Variants in DOK7 observed in about 807,000 individuals in gnomAD.
The protein encoded by DOK7 is docking protein 7, also known as protein Dok-7.
DOK7 carries 32 observed loss-of-function variants against 30.7 expected under a neutral mutation model. The observed-to-expected ratio is 1.04, with a 90% CI of 0.79 to 1.40. The LOEUF (loss-of-function observed/expected upper bound fraction) is 1.40. Ranked by LOEUF, DOK7 falls within the 40% of genes most tolerant of loss-of-function variation. The pLI is 0.00. For synonymous variants in DOK7, 447 were observed against 324.1 expected (o/e 1.38, Z -4.07); for missense variants, 1,007 against 699.2 (o/e 1.44, Z -4.97).
Position 3,489,742 on chromosome 4 carries a change from C to G in DOK7, c.718C>G (p.Gln240Glu), listed in dbSNP as rs1237414916. 1 of 1,570,050 alleles carries G rather than the reference C, an allele frequency of 6.4e-7. No individual in the cohort carries two copies. The highest frequency in any genetic ancestry group is 1.9e-5 in the Admixed American group (1 of 53,866). The change falls in exon 6 of 7, where the codon CAG becomes GAG. Residue 240 changes from glutamine (Q) to glutamate (E), a missense_variant. Transcript: ENST00000340083. ...RVAQEALETL[Q>E]LEKRLSLLSH... is the part of the protein sequence containing the mutation. ...GGCCCAGGAAGCCCTGGAAACCCTA[C>G]AGCTGGAGAAGCGGCTGAGCCTCCT...
chr4:3,463,663 G>C, intron 2 of DOK7, 112 bp downstream of exon 2: 1 of 1,370,060 alleles, frequency 7.3e-7, no homozygotes, highest in Non-Finnish European at 1.0e-6. Flanking sequence ...ACCCCGCCGG[G>C]AAACCCGAGA....
At position 3,491,573 on chromosome 4, in the gene DOK7, A is replaced by G. The variant is rs563424813; in HGVS notation, c.773-1186A>G. On this transcript the variant is annotated intron_variant, in intron 6 of 6. Coordinates refer to ENST00000340083, the MANE Select transcript of DOK7 (RefSeq NM_173660.5). ...TATTCATTCATTCCTTCCTTCACTTATGGTTCCACATTTACTAAACTCTGG... is the reference window on the plus strand; with the variant it reads ...TATTCATTCATTCCTTCCTTCACTTGTGGTTCCACATTTACTAAACTCTGG... Among the ~76,000 whole-genome samples, 427 of 144,194 alleles carry G rather than the reference A, an allele frequency of 3.0e-3. 2 individuals carry two copies. The highest frequency in any genetic ancestry group is 0.01 in the African/African-American group (408 of 39,136). 94.6% of individuals were successfully genotyped at this position (144,194 alleles called of 152,430 possible).
At chr4:3,499,093 G>C (rs1161992405), downstream of DOK7, among the ~76,000 whole-genome samples, 2 of 152,238 alleles carry the variant, frequency 1.3e-5, no homozygotes, top group East Asian at 1.9e-4. Context: ...TCTGCGGCAG[G>C]TGCCGGGCAG....
chr4:3,493,985 C>A lies in DOK7; in HGVS notation c.*484C>A. 1 of 975,030 alleles carries A rather than the reference C, an allele frequency of 1.0e-6. No homozygotes were observed. The highest frequency in any genetic ancestry group is 1.9e-5 in the African/African-American group (1 of 52,694). The allele number at this position is 975,030 out of a possible 1,614,324, so 60.4% of individuals were successfully genotyped here. On this transcript the variant is annotated 3_prime_UTR_variant, in exon 7 of 7. Transcript: ENST00000340083. Reference sequence around the variant, plus strand: ...GAGGCTCCGGCCACCTGGGCTCCACCAGCCCAGCCCCCCTGGGCTCCGTGT... The same window carrying A: ...GAGGCTCCGGCCACCTGGGCTCCACAAGCCCAGCCCCCCTGGGCTCCGTGT...
intron 5 of DOK7, among the ~76,000 whole-genome samples, chr4:3,488,213 G>A (rs908352581): frequency 5.3e-5 from 8 of 152,234 alleles, no homozygotes; most frequent in African/African-American, 1.9e-4. Flanking sequence ...CCGGGGCAGT[G>A]CCTTGGGGTG....
chr4:3,482,736 C>T (rs1018782096), intron 4 of DOK7, among the ~76,000 whole-genome samples: 3 of 152,208 alleles, frequency 2.0e-5, no homozygotes, highest in Non-Finnish European at 4.4e-5. Context: ...CGCACCCTGT[C>T]TTGGGGAAGG....
chr4:3,487,426 C>T (rs1034770231), intron 5 of DOK7, among the ~76,000 whole-genome samples: 30 of 152,214 alleles, frequency 2.0e-4, no homozygotes, highest in Non-Finnish European at 8.8e-5. Flanking sequence ...GGCTTTCTGC[C>T]GTCCTCCTGT....
At chr4:3,463,836 G>A (rs1436577706) in intron 2 of DOK7, among the ~76,000 whole-genome samples, 1 of 152,148 alleles carries the variant, frequency 6.6e-6, no homozygotes, top group Non-Finnish European at 1.5e-5. Flanking sequence ...AGAGCAGCAA[G>A]GGGCCCCCCA....
chr4:3,466,265 C>A (rs1726255231), intron 2 of DOK7, among the ~76,000 whole-genome samples: 1 of 152,198 alleles, frequency 6.6e-6, no homozygotes, highest in Non-Finnish European at 1.5e-5. Flanking sequence ...TGGGCCCTTG[C>A]TTAGTCTCCC....
chr4:3,480,525 T>C (rs1293151352), intron 4 of DOK7, among the ~76,000 whole-genome samples: 1 of 152,166 alleles, frequency 6.6e-6, no homozygotes, highest in Admixed American at 6.5e-5. Flanking sequence ...GGAAAATCAC[T>C]TGAACCTGGG....
chr4:3,467,737 AGAC>A (rs1164724304), intron 2 of DOK7, among the ~76,000 whole-genome samples: 1 of 152,164 alleles, frequency 6.6e-6, no homozygotes, highest in Non-Finnish European at 1.5e-5. Flanking sequence ...TGGGCGGCTC[AGAC>A]GACAGCCAGT....
At position 3,493,886 on chromosome 4, in the gene DOK7, C is replaced by T. The variant is rs1728724576; in HGVS notation, c.*385C>T. 8 of 1,089,994 alleles carry T rather than the reference C, an allele frequency of 7.3e-6. No individual in the cohort carries two copies. Among genetic ancestry groups the T allele is most frequent in the Non-Finnish European group, 8.9e-6 (8 of 897,582 alleles). 67.5% of individuals were successfully genotyped at this position (1,089,994 alleles called of 1,614,324 possible). A position where few individuals can be genotyped will look rare whatever the true frequency, so the allele number is the denominator to read the frequency against. On this transcript the variant is annotated 3_prime_UTR_variant, in exon 7 of 7. Coordinates refer to ENST00000340083, the MANE Select transcript of DOK7 (RefSeq NM_173660.5). Reference sequence around the variant, plus strand: ...TTGTCCTCCTTGGGCCTCACGCCCCCTTCGGGGGTGGCCGGTTCTCCCCAT... The same window carrying T: ...TTGTCCTCCTTGGGCCTCACGCCCCTTTCGGGGGTGGCCGGTTCTCCCCAT...
Position 3,494,199 on chromosome 4 carries a change from C to T in DOK7, c.*698C>T. On this transcript the variant is annotated 3_prime_UTR_variant, in exon 7 of 7. Transcript: ENST00000340083. Reference sequence around the variant, plus strand: ...CTGGGAGAGGCGCCGTGCCTCGGGCCCCTGGTGGGAGCTCTGCTGGCTCCT... The same window carrying T: ...CTGGGAGAGGCGCCGTGCCTCGGGCTCCTGGTGGGAGCTCTGCTGGCTCCT... 1.0e-6 allele frequency: 1 copy of T among 985,542 alleles called. No homozygotes were observed. Among genetic ancestry groups the T allele is most frequent in the Non-Finnish European group, 1.2e-6 (1 of 829,990 alleles). The allele number at this position is 985,542 out of a possible 1,614,324, so 61.0% of individuals were successfully genotyped here.
chr4:3,491,896 G>T (rs75029597), intron 6 of DOK7, among the ~76,000 whole-genome samples: 1 of 152,200 alleles, frequency 6.6e-6, no homozygotes, highest in East Asian at 1.9e-4. Context: ...GTGTTCCCAC[G>T]GCCAAGTGCA....
chr4:3,501,098 G>C, exon 8 of DOK7: 1 of 507,960 alleles, frequency 2.0e-6, no homozygotes, highest in Non-Finnish European at 3.4e-6. Flanking sequence ...CCAGGCATCA[G>C]GCAGCTCTGG....
chr4:3,480,647 G>C (rs1727389144), intron 4 of DOK7, among the ~76,000 whole-genome samples: 1 of 152,334 alleles, frequency 6.6e-6, no homozygotes, highest in South Asian at 2.1e-4. Flanking sequence ...GAACTAGGAG[G>C]CTCTTGCTAC....
In DOK7 at chr4:3,494,409, G is replaced by A. The variant is rs1037905376; in HGVS notation, c.*908G>A. On this transcript the variant is annotated 3_prime_UTR_variant, in exon 7 of 7. Coordinates refer to ENST00000340083, the MANE Select transcript of DOK7 (RefSeq NM_173660.5). ...AGCAGCTCCCTGTGAACACCTCTTT[G>A]TCCCTTCACTGTCAGCTGTTTCTAA... The A allele has an allele frequency of 1.0e-6, 1 of 985,834 alleles. No homozygotes were observed. The highest frequency in any genetic ancestry group is 4.7e-5 in the South Asian group (1 of 21,302). 61.1% of individuals were successfully genotyped at this position (985,834 alleles called of 1,614,324 possible).
chr4:3,473,643 G>A lies in DOK7; in HGVS notation c.331+7G>A, dbSNP rs761985086. ...CGCTATGCGCTCGGCGAGGGTGAGT[G>A]ACGGGGGCCGGGGCCGGGCGGGGGC... On this transcript the variant is annotated splice_region_variant and intron_variant, in intron 3 of 6. Coordinates refer to ENST00000340083, the MANE Select transcript of DOK7 (RefSeq NM_173660.5). 6.5e-7 allele frequency: 1 copy of A among 1,546,660 alleles called. No individual in the cohort carries two copies. Among genetic ancestry groups the A allele is most frequent in the South Asian group, 1.2e-5 (1 of 85,492 alleles).
intron 6 of DOK7, among the ~76,000 whole-genome samples, chr4:3,491,446 C>T (rs537499621): frequency 1.1e-3 from 160 of 150,398 alleles, no homozygotes; most frequent in Middle Eastern, 0.01. Flanking sequence ...TCATTTCTTT[C>T]TTCTCTCCCT....
Sources: allele counts gnomAD v4.1 joint callset (sites outside exome capture counted in the v4.1 genomes callset), GRCh38; gene constraint gnomAD v4.1.1; transcripts MANE v1.5; gene names NCBI Gene and HGNC (gene_info 2026-07-23, HGNC 2026-07-21).